Variants in WNT3A observed in about 807,000 individuals in gnomAD.
WNT3A encodes Wnt family member 3A.
In WNT3A, 17 loss-of-function variants were observed where a neutral mutation model predicts 37.0. That is an observed-to-expected ratio of 0.46 (90% CI 0.31 to 0.69). The LOEUF (loss-of-function observed/expected upper bound fraction) is 0.69. WNT3A is among the 30% of genes least tolerant of loss of function. The pLI, the probability that WNT3A is intolerant of heterozygous loss-of-function variation, is 0.05. For missense variants in WNT3A, 411 were observed against 510.2 expected (o/e 0.81, Z 1.87); for synonymous variants, 187 against 211.0 (o/e 0.89, Z 0.99).
At chr1:228,046,659 T>G (rs544212966) in intron 2 of WNT3A, among the ~76,000 whole-genome samples, 54 of 150,300 alleles carry the variant, frequency 3.6e-4, no homozygotes, top group African/African-American at 8.1e-4. Flanking sequence ...TGTGCATGTG[T>G]GGGGGGGATG....
chr1:228,048,269 G>C (rs1267457564), intron 2 of WNT3A, among the ~76,000 whole-genome samples: 1 of 152,198 alleles, frequency 6.6e-6, no homozygotes, highest in Non-Finnish European at 1.5e-5. Context: ...AGGGGAGAGA[G>C]AAGGTCAGAG....
At chr1:228,057,658 T>A (rs1166795572) in intron 3 of WNT3A, among the ~76,000 whole-genome samples, 1 of 152,160 alleles carries the variant, frequency 6.6e-6, no homozygotes, top group East Asian at 1.9e-4. Flanking sequence ...GAGGCAGGAT[T>A]GGGACCCAGA....
intron 1 of WNT3A, among the ~76,000 whole-genome samples, chr1:228,014,426 G>C (rs985872062): frequency 2.0e-5 from 3 of 152,204 alleles, no homozygotes; most frequent in Non-Finnish European, 4.4e-5. Context: ...GCACAGAGCC[G>C]TGCCCTTGGT....
rs371166587 is a variant in WNT3A, at chr1:228,040,650, G to A, written c.314-10006G>A. On this transcript the variant is annotated intron_variant, in intron 2 of 3. Coordinates refer to ENST00000284523, the MANE Select transcript of WNT3A (RefSeq NM_033131.4). ...TGTAATCTCAGCAGTTTGGGAGGCC[G>A]AGATGGGCGGATCACGAGGTCAGGA... 3.0e-4 allele frequency among the ~76,000 whole-genome samples: 46 copies of A among 152,160 alleles called. No homozygotes were observed. The East Asian group carries it at 4.3e-3, about 14-fold the overall frequency.
At chr1:228,020,916 G>A (rs935308430) in intron 1 of WNT3A, among the ~76,000 whole-genome samples, 1 of 152,268 alleles carries the variant, frequency 6.6e-6, no homozygotes, top group Non-Finnish European at 1.5e-5. Flanking sequence ...AGTCCGGTCC[G>A]GAGGCCAGAC....
At chr1:228,019,487 C>G (rs2030625147) in intron 1 of WNT3A, among the ~76,000 whole-genome samples, 1 of 152,210 alleles carries the variant, frequency 6.6e-6, no homozygotes, top group Non-Finnish European at 1.5e-5. Flanking sequence ...TTTCAGACAC[C>G]TCTTGCTCAC....
rs573530208 is a variant in WNT3A at position 228,040,115 on chromosome 1, T to C, written c.314-10541T>C. On this transcript the variant is annotated intron_variant, in intron 2 of 3. Transcript: ENST00000284523. Reference sequence around the variant, plus strand: ...TGGGCTCCCTGCTCCCTTGAGGCTATGGCCATGGAAACGCCAGCCATGGGA... The same window carrying C: ...TGGGCTCCCTGCTCCCTTGAGGCTACGGCCATGGAAACGCCAGCCATGGGA... 1.1e-3 allele frequency among the ~76,000 whole-genome samples: 174 copies of C among 152,258 alleles called. 1 individual carries two copies. Among genetic ancestry groups the C allele is most frequent in the African/African-American group, 3.9e-3 (163 of 41,550 alleles).
chr1:228,044,455 C>A (rs1351370473), intron 2 of WNT3A, among the ~76,000 whole-genome samples: 1 of 152,218 alleles, frequency 6.6e-6, no homozygotes, highest in African/African-American at 2.4e-5. Context: ...CTTCTCCACT[C>A]TTCCCTGTCC....
chr1:228,032,154 C>T (rs2031026829), intron 2 of WNT3A, among the ~76,000 whole-genome samples: 1 of 152,222 alleles, frequency 6.6e-6, no homozygotes, highest in African/African-American at 2.4e-5. Context: ...GGCTCCTGCC[C>T]ATGGACGGCA....
chr1:228,028,291 AATT>A (rs1161191640), intron 2 of WNT3A, among the ~76,000 whole-genome samples: 1 of 112,814 alleles, frequency 8.9e-6, no homozygotes, highest in Non-Finnish European at 1.7e-5. Flanking sequence ...GGTTACATAT[AATT>A]TTTTTTTTTT....
chr1:228,048,641 T>C (rs1317990064), intron 2 of WNT3A, among the ~76,000 whole-genome samples: 1 of 152,132 alleles, frequency 6.6e-6, no homozygotes, highest in African/African-American at 2.4e-5. Flanking sequence ...CATACCTCAC[T>C]GCAGCCTTGA....
Position 228,059,074 on chromosome 1 carries a change from A to G in WNT3A, c.668A>G (p.Asp223Gly), listed in dbSNP as rs755288390. 1.2e-5 allele frequency: 20 copies of G among 1,613,562 alleles called. No homozygotes were observed. Among genetic ancestry groups the G allele is most frequent in the Non-Finnish European group, 1.4e-5 (16 of 1,179,938 alleles). Residue 223 changes from aspartate (D) to glycine (G), a missense_variant, in exon 4 of 4, where the codon GAC (aspartate) becomes GGC (glycine). By Grantham distance (94) the Asp-to-Gly change is moderately conservative (BLOSUM62 -1). Transcript: ENST00000284523. ...EVKTCWWSQP[D>G]FRAIGDFLKD... ...AAGACATGCTGGTGGTCGCAACCCG[A>G]CTTCCGCGCCATCGGTGACTTCCTC...
chr1:228,059,962 C>T lies in WNT3A; in HGVS notation c.*497C>T. On this transcript the variant is annotated 3_prime_UTR_variant, in exon 4 of 4. Coordinates refer to ENST00000284523, the MANE Select transcript of WNT3A (RefSeq NM_033131.4). ...TAGGCTGCTCCCTGAGGGCGGAGCGCCTCCTTAGGAGTGGGGTTTTATGGT... is the reference window on the plus strand; with the variant it reads ...TAGGCTGCTCCCTGAGGGCGGAGCGTCTCCTTAGGAGTGGGGTTTTATGGT... The T allele has an allele frequency of 9.0e-7, 1 of 1,109,686 alleles. No homozygotes were observed. Among genetic ancestry groups the T allele is most frequent in the South Asian group, 2.1e-5 (1 of 46,654 alleles). The allele number at this position is 1,109,686 out of a possible 1,614,324, so 68.7% of individuals were successfully genotyped here. A position where few individuals can be genotyped will look rare whatever the true frequency, so the allele number is the denominator to read the frequency against.
Position 228,042,644 on chromosome 1 carries a change from G to A in WNT3A, c.314-8012G>A, listed in dbSNP as rs2031309976. 6.6e-6 allele frequency among the ~76,000 whole-genome samples: 1 copy of A among 152,040 alleles called. No homozygotes were observed. The highest frequency in any genetic ancestry group is 2.1e-4 in the South Asian group (1 of 4,818). On this transcript the variant is annotated intron_variant, in intron 2 of 3. Coordinates refer to ENST00000284523, the MANE Select transcript of WNT3A (RefSeq NM_033131.4). This position sits in a 1 kb window ranked among gnomAD's most constrained non-coding sequence, Gnocchi z 5.2. Reference sequence around the variant, plus strand: ...TAATGGGTGAATGGATGGATGAGTGGTGGTAGATGGTGGATGATGGGTAAT... The same window carrying A: ...TAATGGGTGAATGGATGGATGAGTGATGGTAGATGGTGGATGATGGGTAAT...
At chr1:228,041,460 T>C (rs2031282539) in intron 2 of WNT3A, among the ~76,000 whole-genome samples, 2 of 151,522 alleles carry the variant, frequency 1.3e-5, no homozygotes, top group Admixed American at 6.6e-5. Flanking sequence ...CCAACATCCA[T>C]CAATCTATCC....
At chr1:228,035,948 A>G (rs1156566990) in intron 2 of WNT3A, among the ~76,000 whole-genome samples, 1 of 152,202 alleles carries the variant, frequency 6.6e-6, no homozygotes, top group Non-Finnish European at 1.5e-5. Flanking sequence ...TTAAGTAGGA[A>G]AGGGGAAGTC....
rs2124822657 is a variant in WNT3A at position 228,060,575 on chromosome 1, T to A, written c.*1110T>A. On this transcript the variant is annotated 3_prime_UTR_variant, in exon 4 of 4. Transcript: ENST00000284523. ...CCAAAGAGGCCCGCCCTGCCCGGGC[T>A]CCCACACCGTCAGGTACTCCTGCCA... The A allele has an allele frequency of 8.0e-6, 2 of 251,482 alleles. No homozygotes were observed. Among genetic ancestry groups the A allele is most frequent in the East Asian group, 2.2e-4 (2 of 9,276 alleles). 15.6% of individuals were successfully genotyped at this position (251,482 alleles called of 1,614,324 possible). A position where few individuals can be genotyped will look rare whatever the true frequency, so the allele number is the denominator to read the frequency against.
At chr1:228,029,272 G>T (rs1056301081) in intron 2 of WNT3A, among the ~76,000 whole-genome samples, 10 of 152,194 alleles carry the variant, frequency 6.6e-5, no homozygotes, top group Non-Finnish European at 1.5e-4. Context: ...TCCAGGCTGC[G>T]TTCTGGGGTA....
rs1458609769 is a variant in WNT3A at position 228,055,171 on chromosome 1, AAAAAAAAAATATATATATATATATAT to A, written c.580-3813_580-3788del. Among the ~76,000 whole-genome samples the A allele has an allele frequency of 5.3e-4, 39 of 73,026 alleles. 1 individual carries two copies. The highest frequency in any genetic ancestry group is 2.3e-3 in the African/African-American group (37 of 16,360). 47.9% of individuals were successfully genotyped at this position (73,026 alleles called of 152,430 possible). ...GAAACTCCGTCCCAAAAAAAAAAAA[AAAAAAAAAATATATATATATATATAT>A]ATATATATATATATATATATATACA... On this transcript the variant is annotated intron_variant, in intron 3 of 3. Transcript: ENST00000284523.
Sources: allele counts gnomAD v4.1 joint callset (sites outside exome capture counted in the v4.1 genomes callset), GRCh38; gene constraint gnomAD v4.1.1; non-coding constraint Gnocchi (gnomAD v3.1); transcripts MANE v1.5; gene names NCBI Gene and HGNC (gene_info 2026-07-23, HGNC 2026-07-21).